The following DIP2C variants were observed in gnomAD, a reference collection of about 807,000 sequenced individuals.
DIP2C encodes DIP2 acetate--CoA ligase C (putative), also known as disco-interacting protein 2 homolog C.
Under a neutral mutation model 192.4 loss-of-function variants are expected in DIP2C, and 33 were observed. The observed-to-expected ratio is 0.17, with a 90% CI of 0.13 to 0.23. The LOEUF (loss-of-function observed/expected upper bound fraction) is 0.23. Among genes scored for constraint, DIP2C ranks in the 10% least tolerant of loss-of-function variants. DIP2C has a pLI of 1.00. For synonymous variants in DIP2C, 979 were observed against 864.1 expected, an observed-to-expected ratio of 1.13 and a Z score of -2.33; for missense variants, 1,537 against 2,110.1, an observed-to-expected ratio of 0.73 and a Z score of 5.32.
chr10:464,031 C>T (rs1201262693), intron 3 of DIP2C, among the ~76,000 whole-genome samples: 10 of 152,070 alleles, frequency 6.6e-5, no homozygotes, highest in African/African-American at 9.7e-5. Context: ...AGACGTAAAA[C>T]CATAAAAACT....
intron 1 of DIP2C, among the ~76,000 whole-genome samples, chr10:539,515 T>C (rs1000229771): frequency 5.3e-5 from 8 of 152,198 alleles, no homozygotes; most frequent in Admixed American, 4.6e-4. Context: ...CAGACCTTGG[T>C]ATCCATAGGC....
At chr10:366,164 C>T (rs1564620297) in intron 19 of DIP2C, 111 bp downstream of exon 19, 12 of 1,451,426 alleles carry the variant, frequency 8.3e-6, no homozygotes, top group South Asian at 2.6e-5. Flanking sequence ...CATATAAACA[C>T]GTCTTGCTAA....
intron 1 of DIP2C, among the ~76,000 whole-genome samples, chr10:670,386 G>A (rs1830573962): frequency 6.6e-6 from 1 of 152,062 alleles, no homozygotes; most frequent in Non-Finnish European, 1.5e-5. Context: ...ACATGCATGT[G>A]TACACGCATA....
intron 1 of DIP2C, among the ~76,000 whole-genome samples, chr10:572,369 C>T (rs1343803591): frequency 7.9e-5 from 12 of 152,234 alleles, no homozygotes; most frequent in Non-Finnish European, 1.5e-5. Context: ...CACAAAAATT[C>T]AACTCCGTCC....
chr10:357,597 G>T (rs1474840641), intron 23 of DIP2C, among the ~76,000 whole-genome samples: 2 of 152,198 alleles, frequency 1.3e-5, no homozygotes, highest in Non-Finnish European at 2.9e-5. Flanking sequence ...TGCAGGAGAG[G>T]ACAGGTAGAA....
chr10:436,479 C>T (rs1335111814), intron 4 of DIP2C, among the ~76,000 whole-genome samples: 1 of 152,142 alleles, frequency 6.6e-6, no homozygotes, highest in Non-Finnish European at 1.5e-5. Flanking sequence ...CATGCTCCGC[C>T]CACACCAGAG....
intron 31 of DIP2C, among the ~76,000 whole-genome samples, chr10:325,429 C>G (rs1330216624): frequency 6.6e-6 from 1 of 152,220 alleles, no homozygotes. Flanking sequence ...TTACTCTCTG[C>G]TCTCTCCCTT....
chr10:418,070 A>C (rs1446362915), intron 6 of DIP2C, among the ~76,000 whole-genome samples: 1 of 9,444 alleles, frequency 1.1e-4, no homozygotes, highest in African/African-American at 2.6e-4. Flanking sequence ...CTCCCTGTTC[A>C]CTGCACCTGT....
chr10:682,605 TG>T (rs1363044449), intron 1 of DIP2C, among the ~76,000 whole-genome samples: 1 of 152,202 alleles, frequency 6.6e-6, no homozygotes, highest in Non-Finnish European at 1.5e-5. Flanking sequence ...ATGTACGTCA[TG>T]GCTCAAGGGT....
At chr10:480,780 C>T (rs1339551718) in intron 2 of DIP2C, among the ~76,000 whole-genome samples, 2 of 152,242 alleles carry the variant, frequency 1.3e-5, no homozygotes, top group South Asian at 2.1e-4. Context: ...TGGCAGAACA[C>T]GTCTCCGGCA....
chr10:414,739 G>GTGTGTATATATATATATATATA lies in DIP2C; in HGVS notation c.860-630_860-629insTATATATATATATATATACACA. On this transcript the variant is annotated intron_variant, in intron 7 of 36. Coordinates refer to ENST00000280886, the MANE Select transcript of DIP2C (RefSeq NM_014974.3). ...TGTGTGTGTGTGTGTGTGTGTGTGT[G>GTGTGTATATATATATATATATA]TACATATATATATATATAATGTGTA... 1.3e-3 allele frequency among the ~76,000 whole-genome samples: 121 copies of GTGTGTATATATATATATATATA among 90,522 alleles called. 2 individuals carry two copies. The highest frequency in any genetic ancestry group is 2.1e-3 in the Admixed American group (18 of 8,524). 59.4% of individuals were successfully genotyped at this position (90,522 alleles called of 152,430 possible).
chr10:617,983 C>T (rs1853588622), intron 1 of DIP2C, among the ~76,000 whole-genome samples: 1 of 152,218 alleles, frequency 6.6e-6, no homozygotes. Context: ...GCTCCAAGAG[C>T]TTGAGGTCAC....
chr10:550,578 T>C (rs1388810388), intron 1 of DIP2C, among the ~76,000 whole-genome samples: 1 of 152,148 alleles, frequency 6.6e-6, no homozygotes, highest in Non-Finnish European at 1.5e-5. Flanking sequence ...ATTACAACAA[T>C]CAGATCTGTG....
chr10:515,141 A>G (rs1846267282), intron 1 of DIP2C, among the ~76,000 whole-genome samples: 2 of 152,218 alleles, frequency 1.3e-5, no homozygotes, highest in South Asian at 2.1e-4. Context: ...AGGGAAAAAA[A>G]TGTCATCCAA....
At chr10:399,013 C>CG in intron 10 of DIP2C, 96 bp downstream of exon 10, 1 of 1,073,580 alleles carries the variant, frequency 9.3e-7, no homozygotes, top group Non-Finnish European at 1.4e-6. Flanking sequence ...ACCCAGGGCC[C>CG]CAGAAACAGC....
At chr10:395,089 C>T (rs548395179) in intron 10 of DIP2C, among the ~76,000 whole-genome samples, 18 of 108,546 alleles carry the variant, frequency 1.7e-4, no homozygotes, top group Admixed American at 7.8e-4. Flanking sequence ...ATGGTGACCA[C>T]GAGGGCTGGG....
chr10:372,450 A>C (rs1468667756), intron 17 of DIP2C, among the ~76,000 whole-genome samples: 4 of 152,244 alleles, frequency 2.6e-5, no homozygotes, highest in African/African-American at 9.6e-5. Context: ...ATATGTTAAG[A>C]TTACAAATTG....
intron 2 of DIP2C, chr10:484,780 CCGAAA>C: frequency 1.2e-6 from 2 of 1,610,442 alleles, no homozygotes; most frequent in Non-Finnish European, 1.7e-6. Context: ...GCAGCGCTCA[CCGAAA>C]CGAAAGTAAA....
intron 1 of DIP2C, among the ~76,000 whole-genome samples, chr10:535,312 G>A (rs139632529): frequency 6.6e-6 from 1 of 151,982 alleles, no homozygotes; most frequent in East Asian, 2.0e-4. Context: ...CAGCAGGCGA[G>A]AGGGGCGCTG....
Sources: gnomAD v4.1 joint callset for allele counts (sites outside exome capture counted in the v4.1 genomes callset) on GRCh38, gnomAD v4.1.1 for gene constraint, MANE v1.5 for transcripts, NCBI Gene and HGNC (gene_info 2026-07-23, HGNC 2026-07-21) for gene names.